Variants in PRR12 observed in about 807,000 individuals in gnomAD.
PRR12 encodes the protein proline-rich protein 12.
PRR12 carries 12 observed loss-of-function variants against 138.0 expected under a neutral mutation model. The observed-to-expected ratio is 0.09, with a 90% confidence interval of 0.06 to 0.14. The LOEUF is 0.14. Ranked by LOEUF, PRR12 falls within the 10% of genes least tolerant of loss-of-function variation. The probability of loss-of-function intolerance (pLI) is 1.00; values close to 1 mark genes in which losing one functional copy is unlikely to be tolerated. For synonymous variants in PRR12, 1,567 were observed against 1,291.7 expected, an observed-to-expected ratio of 1.21 and a Z score of -4.57; for missense variants, 2,692 against 2,861.3, an observed-to-expected ratio of 0.94 and a Z score of 1.35.
chr19:49,618,017 G>A (rs76246107), intron 9 of PRR12, among the ~76,000 whole-genome samples: 12,615 of 152,204 alleles, frequency 0.083, 969 homozygotes, highest in East Asian at 0.4. Context: ...AGAATCACTT[G>A]AACCTGGGAG....
intron 6 of PRR12, among the ~76,000 whole-genome samples, chr19:49,612,516 A>G (rs529131467): frequency 1.3e-5 from 2 of 152,142 alleles, no homozygotes; most frequent in Admixed American, 6.6e-5. Context: ...GGAAGGTACC[A>G]AGCCCAGTGA....
chr19:49,596,145 G>T lies in PRR12; in HGVS notation c.1810G>T (p.Gly604Ter). Residue 604 changes from glycine to a stop codon, truncating the protein, a stop_gained, in exon 4 of 14, where the codon GGA becomes TGA. Transcript: ENST00000418929. LOFTEE classifies it high-confidence loss of function. This position sits in a 1 kb window ranked among gnomAD's most constrained non-coding sequence, Gnocchi z 5.6. ...CTCAGCGCCTTTCCTGGCACCTCCGGGAGCTGGCAGCTATGCAGCCGGAGC... is the reference window on the plus strand; with the variant it reads ...CTCAGCGCCTTTCCTGGCACCTCCGTGAGCTGGCAGCTATGCAGCCGGAGC... ...LASAPFLAPP[G>*]AGSYAAGAGG... is the part of the protein sequence containing the mutation. 1 of 1,606,698 alleles carries T rather than the reference G, an allele frequency of 6.2e-7. No individual in the cohort carries two copies.
chr19:49,604,798 A>G (rs573047212), intron 6 of PRR12, among the ~76,000 whole-genome samples: 2 of 152,314 alleles, frequency 1.3e-5, no homozygotes, highest in African/African-American at 4.8e-5. Flanking sequence ...GTAGCGTTTT[A>G]CAGGGATGGA....
chr19:49,597,590 C>T lies in PRR12; in HGVS notation c.3255C>T (p.Asp1085=), dbSNP rs1173222068. The part of the protein sequence containing the change: ...TSSFHLLRRR[D]PPFQTPKKLY... ...CCTTCCACCTGCTGCGGCGCCGCGA[C>T]CCACCCTTCCAGACCCCCAAGAAGC... The change falls in exon 4 of 14, where the codon GAC becomes GAT. Residue 1085 remains aspartate (D), a synonymous_variant. Coordinates refer to ENST00000418929, the MANE Select transcript of PRR12 (RefSeq NM_020719.3). The surrounding 1 kb of genome is among the most constrained non-coding windows in gnomAD (Gnocchi z 6.3). 6 of 1,608,338 alleles carry T rather than the reference C, an allele frequency of 3.7e-6. No homozygotes were observed. Among genetic ancestry groups the T allele is most frequent in the Admixed American group, 1.7e-5 (1 of 59,568 alleles).
At chr19:49,623,066 T>A (rs2080934216) in intron 11 of PRR12, among the ~76,000 whole-genome samples, 1 of 151,584 alleles carries the variant, frequency 6.6e-6, no homozygotes, top group African/African-American at 2.4e-5. Flanking sequence ...TGGAATGGAT[T>A]CTTAGACTGG....
At position 49,596,413 on chromosome 19, in the gene PRR12, A is replaced by T. The variant is rs2080769405; in HGVS notation, c.2078A>T (p.Glu693Val). The change falls in exon 4 of 14, where the codon GAA (glutamate) becomes GTA (valine). Residue 693 changes from glutamate to valine, a missense_variant. Around this residue, in one of 11 missense-constraint regions of PRR12, gnomAD observed 840 missense variants for 689.8 expected, o/e 1.22. Transcript: ENST00000418929. The surrounding 1 kb of genome is among the most constrained non-coding windows in gnomAD (Gnocchi z 5.6). ...GGTACACCCTACGAGTTGGCCAAGG[A>T]AGACCCCCAGAGGTACCACCTGCAG... ...PPGTPYELAKEDPQRYHLQSV... is the reference protein window; with the variant it reads ...PPGTPYELAKVDPQRYHLQSV... 1.9e-6 allele frequency: 3 copies of T among 1,608,380 alleles called. No individual in the cohort carries two copies. Among genetic ancestry groups the T allele is most frequent in the Non-Finnish European group, 2.5e-6 (3 of 1,179,272 alleles).
At chr19:49,621,712 C>T in intron 11 of PRR12, 90 bp downstream of exon 11, 1 of 1,064,468 alleles carries the variant, frequency 9.4e-7, no homozygotes, top group East Asian at 2.6e-5. Flanking sequence ...CGGGGGTGAT[C>T]CTTGGAAGGA....
chr19:49,596,987 C>G lies in PRR12; in HGVS notation c.2652C>G (p.Leu884=). The G allele has an allele frequency of 3.2e-6, 5 of 1,557,924 alleles. No homozygotes were observed. The highest frequency in any genetic ancestry group is 4.3e-6 in the Non-Finnish European group (5 of 1,155,032). Residue 884 remains leucine (L), a synonymous_variant, in exon 4 of 14, where the codon CTC becomes CTG. Transcript: ENST00000418929. This position sits in a 1 kb window ranked among gnomAD's most constrained non-coding sequence, Gnocchi z 5.6. The part of the protein sequence containing the change: ...LDPPGAMQEL[L]GALEPLPPAP... ...CGCCAGGCGCCATGCAGGAATTGCT[C>G]GGGGCTCTGGAGCCGCTGCCCCCGG...
At chr19:49,598,082 T>C (rs2080787527) in intron 4 of PRR12, 69 bp downstream of exon 4, 4 of 1,259,262 alleles carry the variant, frequency 3.2e-6, no homozygotes, top group Non-Finnish European at 4.0e-6. Flanking sequence ...AGTCTTTTTT[T>C]TTTTTTTTTG....
intron 11 of PRR12, among the ~76,000 whole-genome samples, chr19:49,623,700 A>G (rs995357625): frequency 1.3e-5 from 2 of 148,970 alleles, no homozygotes; most frequent in African/African-American, 4.9e-5. Context: ...TCTGGGATAG[A>G]TGGTTAGGAT....
chr19:49,610,764 CG>C (rs2080862022), intron 6 of PRR12, among the ~76,000 whole-genome samples: 1 of 150,556 alleles, frequency 6.6e-6, no homozygotes, highest in South Asian at 2.1e-4. Context: ...AGGATGATCT[CG>C]ATCTCCTGAC....
intron 9 of PRR12, 124 bp from the exon 10 acceptor site, chr19:49,620,228 C>A: frequency 7.6e-7 from 1 of 1,310,764 alleles, no homozygotes; most frequent in Non-Finnish European, 1.1e-6. Context: ...TCTTCCCTAG[C>A]GGACTTGGAC....
At position 49,596,582 on chromosome 19, in the gene PRR12, C is replaced by T. The variant is rs369152968; in HGVS notation, c.2247C>T (p.Tyr749=). Residue 749 remains tyrosine, a synonymous_variant, in exon 4 of 14, where the codon TAC becomes TAT. Transcript: ENST00000418929. This position sits in a 1 kb window ranked among gnomAD's most constrained non-coding sequence, Gnocchi z 5.6. ...PEGLATSVVH[Y]GAGAKELGAF... The stretch of plus-strand genomic sequence containing the variant: ...GGCTGGCCACCTCTGTTGTCCACTA[C>T]GGGGCAGGCGCCAAGGAGCTGGGGG... 2.8e-4 allele frequency: 453 copies of T among 1,595,568 alleles called. No homozygotes were observed. The African/African-American group carries it at 4.0e-3, about 14-fold the overall frequency.
intron 6 of PRR12, among the ~76,000 whole-genome samples, chr19:49,613,661 C>T (rs573617848): frequency 1.3e-5 from 2 of 152,310 alleles, no homozygotes; most frequent in Admixed American, 6.5e-5. Context: ...GGTAACCTCA[C>T]CTGCCTGTTC....
chr19:49,613,484 C>T (rs2080876862), intron 6 of PRR12, among the ~76,000 whole-genome samples: 2 of 152,226 alleles, frequency 1.3e-5, no homozygotes, highest in Admixed American at 6.5e-5. Context: ...GTCACATGCT[C>T]AGTGTGACTC....
In PRR12 at chr19:49,615,129, CAGAG is replaced by C. The variant is rs1291602072; in HGVS notation, c.5024+127_5024+130del. 4 of 1,415,784 alleles carry C rather than the reference CAGAG, an allele frequency of 2.8e-6. No homozygotes were observed. The East Asian group carries it at 9.3e-5, about 33-fold the overall frequency. 87.7% of individuals were successfully genotyped at this position (1,415,784 alleles called of 1,614,324 possible). A position where few individuals can be genotyped will look rare whatever the true frequency, so the allele number is the denominator to read the frequency against. ...GGGGACAGAGAGAGGAGACAGAGCCCAGAGAGAGAGGGGGACAGAGACCCGGAGA... is the reference window on the plus strand; with the variant it reads ...GGGGACAGAGAGAGGAGACAGAGCCCAGAGAGGGGGACAGAGACCCGGAGA... On this transcript the variant is annotated intron_variant, in intron 8 of 13. Coordinates refer to ENST00000418929, the MANE Select transcript of PRR12 (RefSeq NM_020719.3).
rs1181920855 is a variant in PRR12, at chr19:49,601,892, C to T, written c.4747C>T (p.Arg1583Cys). ...IFRERDEFVI[R>C]AEDIPSLKLA... Reference sequence around the variant, plus strand: ...CCGGGAACGGGACGAGTTCGTCATCCGTGCTGAGGACATCCCTTCCCTCAA... The same window carrying T: ...CCGGGAACGGGACGAGTTCGTCATCTGTGCTGAGGACATCCCTTCCCTCAA... The change falls in exon 6 of 14, where the codon CGT (arginine) becomes TGT (cysteine). Residue 1583 changes from arginine to cysteine, a missense_variant. Coordinates refer to ENST00000418929, the MANE Select transcript of PRR12 (RefSeq NM_020719.3). The T allele has an allele frequency of 1.9e-6, 3 of 1,612,138 alleles. No individual in the cohort carries two copies. Among genetic ancestry groups the T allele is most frequent in the Non-Finnish European group, 2.5e-6 (3 of 1,179,806 alleles).
chr19:49,621,693 C>A, intron 11 of PRR12, 71 bp downstream of exon 11: 1 of 1,273,142 alleles, frequency 7.9e-7, no homozygotes, highest in Non-Finnish European at 1.1e-6. Flanking sequence ...ACGTGTCGGC[C>A]GCTGTTGGCG....
At chr19:49,618,260 A>T (rs1252416794) in intron 9 of PRR12, among the ~76,000 whole-genome samples, 1 of 151,572 alleles carries the variant, frequency 6.6e-6, no homozygotes, top group Non-Finnish European at 1.5e-5. Flanking sequence ...CACCCCACAG[A>T]CCTTCCCCAA....
Sources: gnomAD v4.1 joint callset for allele counts (sites outside exome capture counted in the v4.1 genomes callset) on GRCh38, gnomAD v4.1.1 for gene constraint, gnomAD v4.1.1 regional missense constraint, Gnocchi (gnomAD v3.1) non-coding constraint, MANE v1.5 for transcripts, NCBI Gene and HGNC (gene_info 2026-07-23, HGNC 2026-07-21) for gene names.